Variants in COL4A1 observed in about 807,000 individuals in gnomAD.
COL4A1 encodes the protein collagen type IV alpha 1 chain.
In COL4A1, 40 loss-of-function variants were observed where a neutral mutation model predicts 216.6. That is an observed-to-expected ratio of 0.18 (90% CI 0.14 to 0.24). The LOEUF (loss-of-function observed/expected upper bound fraction) is 0.24. COL4A1 is among the 10% of genes least tolerant of loss of function. The probability of loss-of-function intolerance (pLI) is 1.00; values close to 1 mark genes in which losing one functional copy is unlikely to be tolerated. For synonymous variants in COL4A1, 839 were observed against 810.7 expected, an observed-to-expected ratio of 1.03 and a Z score of -0.59; for missense variants, 1,628 against 2,196.8, an observed-to-expected ratio of 0.74 and a Z score of 5.18.
Position 110,271,350 on chromosome 13 carries a change from A to G in COL4A1, c.85-28616T>C, listed in dbSNP as rs78131194. Among the ~76,000 whole-genome samples the G allele has an allele frequency of 4.7e-3, 709 of 152,282 alleles. 15 individuals are homozygous for G. The highest frequency in any genetic ancestry group is 0.034 in the East Asian group (177 of 5,180). ...CCCTTTCCACAAGATACATATTAGG[A>G]GCCAAAGAAAAACAGTAACTTCATG... On this transcript the variant is annotated intron_variant, in intron 1 of 51. Coordinates refer to ENST00000375820, the MANE Select transcript of COL4A1 (RefSeq NM_001845.6).
intron 2 of COL4A1, 121 bp from the exon 3 acceptor site, chr13:110,214,136 C>G: frequency 1.2e-6 from 1 of 817,728 alleles, no homozygotes; most frequent in Non-Finnish European, 2.1e-6. Context: ...TTCTGTTGCC[C>G]AGGCTGGAGT....
At chr13:110,160,611 G>A (rs1354839199) in intron 49 of COL4A1, among the ~76,000 whole-genome samples, 2 of 152,190 alleles carry the variant, frequency 1.3e-5, no homozygotes. Flanking sequence ...CAGGAGGAAA[G>A]GCAACCACCA....
chr13:110,261,140 C>T (rs1300807747), intron 1 of COL4A1, among the ~76,000 whole-genome samples: 2 of 152,006 alleles, frequency 1.3e-5, no homozygotes, highest in Admixed American at 1.3e-4. Context: ...TCCATGAACT[C>T]CCCTTACAGC....
chr13:110,189,901 T>TG (rs5806841), intron 24 of COL4A1, among the ~76,000 whole-genome samples: 53,176 of 151,934 alleles, frequency 0.35, 9,399 homozygotes, highest in East Asian at 0.45. Context: ...TTTGTATCCT[T>TG]GGCATCCAGA....
Position 110,257,327 on chromosome 13 carries a change from T to G in COL4A1, c.85-14593A>C, listed in dbSNP as rs369386947. On this transcript the variant is annotated intron_variant, in intron 1 of 51. Coordinates refer to ENST00000375820, the MANE Select transcript of COL4A1 (RefSeq NM_001845.6). Reference sequence around the variant, plus strand: ...TGGTCAGAGATCCATCTGGGAGACTTCCATGCGACATCCTTCCAAGGCCAT... The same window carrying G: ...TGGTCAGAGATCCATCTGGGAGACTGCCATGCGACATCCTTCCAAGGCCAT... Among the ~76,000 whole-genome samples the G allele has an allele frequency of 1.6e-3, 244 of 152,248 alleles. 3 individuals are homozygous for G. The South Asian group carries it at 0.03, about 19-fold the overall frequency.
intron 2 of COL4A1, among the ~76,000 whole-genome samples, chr13:110,219,678 G>GTGTGTATATA (rs1555307862): frequency 1.6e-5 from 2 of 123,236 alleles, no homozygotes; most frequent in African/African-American, 3.3e-5. Context: ...ATATATATAT[G>GTGTGTATATA]TGTATATATA....
intron 2 of COL4A1, among the ~76,000 whole-genome samples, chr13:110,241,249 G>T (rs1226954555): frequency 1.3e-5 from 2 of 152,216 alleles, no homozygotes; most frequent in African/African-American, 4.8e-5. Context: ...GGCCGCCAAG[G>T]CCTGCCGGCT....
chr13:110,179,050 A>T lies in COL4A1; in HGVS notation c.2345-14T>A, dbSNP rs199824569. The stretch of plus-strand genomic sequence containing the variant: ...GTCCCGGTTCACCTGGAGAAGAAAA[A>T]TTGAGAGTAAGCTGTACAGGAGCAG... On this transcript the variant is annotated splice_polypyrimidine_tract_variant and intron_variant, in intron 30 of 51. Transcript: ENST00000375820. The T allele has an allele frequency of 6.2e-7, 1 of 1,603,878 alleles. No homozygotes were observed. Among genetic ancestry groups the T allele is most frequent in the East Asian group, 2.2e-5 (1 of 44,636 alleles).
intron 41 of COL4A1, 24 bp downstream of exon 41, chr13:110,172,696 A>G (rs777748015): frequency 6.2e-7 from 1 of 1,611,700 alleles, no homozygotes; most frequent in Non-Finnish European, 8.5e-7. Context: ...GTTGAAAAGG[A>G]AGAGCACAGT....
intron 1 of COL4A1, among the ~76,000 whole-genome samples, chr13:110,298,439 G>A (rs1884361037): frequency 6.6e-6 from 1 of 152,180 alleles, no homozygotes; most frequent in Non-Finnish European, 1.5e-5. Context: ...ATTCTGGACC[G>A]GGTTTGTGTA....
intron 43 of COL4A1, among the ~76,000 whole-genome samples, chr13:110,167,568 C>T (rs1394310225): frequency 6.6e-6 from 1 of 152,224 alleles, no homozygotes; most frequent in Non-Finnish European, 1.5e-5. Context: ...CCCCTCAACA[C>T]CTGTGACGGC....
chr13:110,292,481 A>T (rs1347757840), intron 1 of COL4A1, among the ~76,000 whole-genome samples: 2 of 152,176 alleles, frequency 1.3e-5, no homozygotes, highest in Non-Finnish European at 2.9e-5. Context: ...ACACTGCTAT[A>T]ACTGCTATAA....
At chr13:110,202,931 G>A (rs922673044) in intron 18 of COL4A1, among the ~76,000 whole-genome samples, 4 of 152,168 alleles carry the variant, frequency 2.6e-5, no homozygotes, top group African/African-American at 9.7e-5. Flanking sequence ...AAGGTGTCAA[G>A]GCCAGGCACA....
chr13:110,198,078 G>GGGGTGTGTGTGTGT (rs1555305318), intron 21 of COL4A1, among the ~76,000 whole-genome samples: 1 of 141,842 alleles, frequency 7.1e-6, no homozygotes, highest in Admixed American at 7.0e-5. Context: ...TTGTTTCTGG[G>GGGGTGTGTGTGTGT]GTGTGTGTGT....
In COL4A1 at chr13:110,155,397, C is replaced by A; in HGVS notation, c.4641G>T (p.Arg1547Ser). Residue 1547 changes from arginine (R) to serine (S), a missense_variant and splice_region_variant, in exon 50 of 52, where the codon AGG becomes AGT. Arg to Ser is a moderately radical substitution (Grantham distance 110, BLOSUM62 -1). Coordinates refer to ENST00000375820, the MANE Select transcript of COL4A1 (RefSeq NM_001845.6). ...TGENIRPFIS[R>S]CAVCEAPAMV... Reference sequence around the variant, plus strand: ...TGGCAGGCGCCTCACACACAGCACACCTGGAAGTGGAGCAGAGACACTCAG... The same window carrying A: ...TGGCAGGCGCCTCACACACAGCACAACTGGAAGTGGAGCAGAGACACTCAG... 2 of 1,612,492 alleles carry A rather than the reference C, an allele frequency of 1.2e-6. No homozygotes were observed. The highest frequency in any genetic ancestry group is 1.7e-6 in the Non-Finnish European group (2 of 1,178,644).
At chr13:110,270,885 GAGAA>G (rs1425116994) in intron 1 of COL4A1, among the ~76,000 whole-genome samples, 6 of 152,172 alleles carry the variant, frequency 3.9e-5, no homozygotes, top group Admixed American at 1.3e-4. Context: ...GAAGTCTTAA[GAGAA>G]AGGCTGATTT....
Position 110,176,937 on chromosome 13 carries a change from A to T in COL4A1, c.2817T>A (p.Asp939Glu). The T allele has an allele frequency of 2.5e-6, 4 of 1,614,018 alleles. No individual in the cohort carries two copies. Among genetic ancestry groups the T allele is most frequent in the Non-Finnish European group, 3.4e-6 (4 of 1,180,030 alleles). Residue 939 changes from aspartate to glutamate, a missense_variant, in exon 34 of 52, where the codon GAT (aspartate) becomes GAA (glutamate). This residue lies in a region of COL4A1 where 701 missense variants were observed against 892.5 expected (regional missense o/e 0.79). Coordinates refer to ENST00000375820, the MANE Select transcript of COL4A1 (RefSeq NM_001845.6). ...VGLPGKPGSM[D>E]KVDMGSMKGQ... ...CCTTCATGCTGCCCATGTCCACCTTATCCATGGAGCCAGGCTTGCCAGGGA... is the reference window on the plus strand; with the variant it reads ...CCTTCATGCTGCCCATGTCCACCTTTTCCATGGAGCCAGGCTTGCCAGGGA...
In COL4A1 at chr13:110,174,459, G is replaced by A. The variant is rs1370694964; in HGVS notation, c.3393C>T (p.Val1131=). 6.2e-7 allele frequency: 1 copy of A among 1,613,828 alleles called. No individual in the cohort carries two copies. The highest frequency in any genetic ancestry group is 8.5e-7 in the Non-Finnish European group (1 of 1,180,028). Residue 1131 remains valine, a synonymous_variant, in exon 39 of 52, where the codon GTC becomes GTT. Transcript: ENST00000375820. ...GLPGLDGIPG[V]KGEAGLPGTP... ...AGGGCCCTCTACCTGCTTCTCCTTTGACACCAGGGATGCCATCCAATCCTG... is the reference window on the plus strand; with the variant it reads ...AGGGCCCTCTACCTGCTTCTCCTTTAACACCAGGGATGCCATCCAATCCTG...
At chr13:110,213,647 C>T (rs905777696) in intron 4 of COL4A1, 135 bp downstream of exon 4, 3 of 872,732 alleles carry the variant, frequency 3.4e-6, no homozygotes, top group African/African-American at 1.7e-5. Context: ...CTCGCGCCTG[C>T]CTGCCCGTGC....
Sources: allele counts gnomAD v4.1 joint callset (sites outside exome capture counted in the v4.1 genomes callset), GRCh38; gene constraint gnomAD v4.1.1; regional missense constraint gnomAD v4.1.1; transcripts MANE v1.5; gene names NCBI Gene and HGNC (gene_info 2026-07-23, HGNC 2026-07-21).